The following DENND6B variants were observed in gnomAD, a reference collection of about 807,000 sequenced individuals.
DENND6B encodes protein DENND6B.
In DENND6B, 73 loss-of-function variants were observed where a neutral mutation model predicts 85.1. That is an observed-to-expected ratio of 0.86 (90% CI 0.71 to 1.04). The LOEUF is 1.04. Ranked by LOEUF, DENND6B falls within the 50% of genes least tolerant of loss-of-function variation. The pLI, the probability that DENND6B is intolerant of heterozygous loss-of-function variation, is 0.00. For synonymous variants in DENND6B, 357 were observed against 329.3 expected (o/e 1.08, Z -0.91); for missense variants, 715 against 785.8 (o/e 0.91, Z 1.08).
rs1482206795 is a variant in DENND6B, at chr22:50,313,806, C to T, written c.1203+8G>A. On this transcript the variant is annotated splice_region_variant and intron_variant, in intron 14 of 19. Transcript: ENST00000413817. ...GCGTCCCCAGCCCCTGCCCCACAAA[C>T]CATATACCTTGAGCAGCCGTTTGAG... The T allele has an allele frequency of 6.2e-7, 1 of 1,612,046 alleles. No individual in the cohort carries two copies.
rs1239589604 is a variant in DENND6B at position 50,314,441 on chromosome 22, T to C, written c.1031A>G (p.His344Arg). The C allele has an allele frequency of 3.8e-6, 6 of 1,564,972 alleles. No homozygotes were observed. Among genetic ancestry groups the C allele is most frequent in the Non-Finnish European group, 5.2e-6 (6 of 1,154,074 alleles). The change falls in exon 12 of 20, where the codon CAC becomes CGC. Residue 344 changes from histidine (H) to arginine (R), a missense_variant. Transcript: ENST00000413817. ...TNPFFIKTLQ[H>R]WPHILRVGEP... ...CCCGACTCGGAGGATGTGGGGCCAGTGCTGGAGTGTTTTGATAAAGAAAGG... is the reference window on the plus strand; with the variant it reads ...CCCGACTCGGAGGATGTGGGGCCAGCGCTGGAGTGTTTTGATAAAGAAAGG...
intron 8 of DENND6B, 118 bp downstream of exon 8, chr22:50,315,907 G>A: frequency 6.4e-7 from 1 of 1,554,652 alleles, no homozygotes; most frequent in Non-Finnish European, 8.8e-7. Flanking sequence ...GCTTTGCCTG[G>A]GTTTGACAAC....
intron 4 of DENND6B, 124 bp downstream of exon 4, chr22:50,317,784 G>C: frequency 6.0e-6 from 6 of 995,562 alleles, no homozygotes; most frequent in Non-Finnish European, 8.6e-6. Context: ...GTGGGGCCTG[G>C]CCAGCTCCTC....
At chr22:50,322,310 G>A (rs1398388484) in intron 1 of DENND6B, among the ~76,000 whole-genome samples, 5 of 152,238 alleles carry the variant, frequency 3.3e-5, no homozygotes, top group African/African-American at 1.2e-4. Context: ...TCCTGACCTT[G>A]TGATCCACCT....
chr22:50,326,806 G>A lies in DENND6B; in HGVS notation c.177+6C>T. 3 of 1,364,702 alleles carry A rather than the reference G, an allele frequency of 2.2e-6. No individual in the cohort carries two copies. The highest frequency in any genetic ancestry group is 2.7e-4 in the Middle Eastern group (1 of 3,728). The allele number at this position is 1,364,702 out of a possible 1,614,324, so 84.5% of individuals were successfully genotyped here. ...CCCGCCCGCGCCCGCGCTCGCGCCC[G>A]CTCACCTCCAGCGCCTGGCCCAGCT... On this transcript the variant is annotated splice_donor_region_variant and intron_variant, in intron 1 of 19. Coordinates refer to ENST00000413817, the MANE Select transcript of DENND6B (RefSeq NM_001001794.4).
chr22:50,316,810 C>T (rs1460040873), intron 5 of DENND6B: 3 of 1,216,142 alleles, frequency 2.5e-6, no homozygotes, highest in African/African-American at 3.4e-5. Flanking sequence ...GGCTGGGTTG[C>T]CCTGACACTG....
chr22:50,314,965 G>C (rs1199908310), intron 9 of DENND6B, 44 bp from the exon 10 acceptor site: 1 of 1,598,278 alleles, frequency 6.3e-7, no homozygotes, highest in African/African-American at 1.3e-5. Flanking sequence ...CAGGGGCTGA[G>C]ACTCCTGGCT....
In DENND6B at chr22:50,312,220, C is replaced by T. The variant is rs748581028; in HGVS notation, c.1677G>A (p.Thr559=). ...QGHQLPVKEA[T]LQRAQLYIET... Reference sequence around the variant, plus strand: ...CGATGTACAGCTGTGCCCGCTGCAGCGTAGCCTCCTTCACAGGGAGCTGGT... The same window carrying T: ...CGATGTACAGCTGTGCCCGCTGCAGTGTAGCCTCCTTCACAGGGAGCTGGT... The change falls in exon 20 of 20, where the codon ACG becomes ACA. Residue 559 remains threonine (T), a synonymous_variant. Transcript: ENST00000413817. The T allele has an allele frequency of 2.8e-5, 45 of 1,612,340 alleles. No homozygotes were observed. The highest frequency in any genetic ancestry group is 1.7e-4 in the Middle Eastern group (1 of 6,054).
intron 3 of DENND6B, 92 bp downstream of exon 3, chr22:50,318,755 G>A (rs1281230933): frequency 6.4e-7 from 1 of 1,555,568 alleles, no homozygotes; most frequent in African/African-American, 1.4e-5. Flanking sequence ...TGGGCACCGG[G>A]GCAGCCGAGG....
chr22:50,318,815 T>G (rs540372927), intron 3 of DENND6B, 32 bp downstream of exon 3: 1 of 1,611,612 alleles, frequency 6.2e-7, no homozygotes, highest in Non-Finnish European at 8.5e-7. Flanking sequence ...GCTGGCTTCA[T>G]GTCCAGCCCC....
Position 50,326,949 on chromosome 22 carries a change from C to G in DENND6B, c.40G>C (p.Gly14Arg), listed in dbSNP as rs2042206779. The change falls in exon 1 of 20, where the codon GGC becomes CGC. Residue 14 changes from glycine to arginine, a missense_variant. Gly to Arg is a moderately radical substitution (Grantham distance 125, BLOSUM62 -2). Coordinates refer to ENST00000413817, the MANE Select transcript of DENND6B (RefSeq NM_001001794.4). ...LLGTGPRRAR[G>R]CLGAAGPTSS... Reference sequence around the variant, plus strand: ...GTGGGTCCAGCCGCGCCCAGGCAGCCGCGAGCCCGGCGAGGCCCTGTGCCC... The same window carrying G: ...GTGGGTCCAGCCGCGCCCAGGCAGCGGCGAGCCCGGCGAGGCCCTGTGCCC... 1 of 1,282,470 alleles carries G rather than the reference C, an allele frequency of 7.8e-7. No individual in the cohort carries two copies. The highest frequency in any genetic ancestry group is 4.3e-5 in the Admixed American group (1 of 23,434). The allele number at this position is 1,282,470 out of a possible 1,614,324, so 79.4% of individuals were successfully genotyped here. A position where few individuals can be genotyped will look rare whatever the true frequency, so the allele number is the denominator to read the frequency against.
chr22:50,325,957 T>C (rs1435844701), intron 1 of DENND6B, among the ~76,000 whole-genome samples: 1 of 152,214 alleles, frequency 6.6e-6, no homozygotes, highest in African/African-American at 2.4e-5. Flanking sequence ...TGGCCTGATC[T>C]TGGACACCTG....
chr22:50,314,793 C>A lies in DENND6B; in HGVS notation c.881+6G>T. The A allele has an allele frequency of 6.2e-7, 1 of 1,601,934 alleles. No homozygotes were observed. The highest frequency in any genetic ancestry group is 1.3e-5 in the African/African-American group (1 of 74,848). ...TTCCCCAGCCGGGACCGGGCCAAGGCGATACCTGGTCAAGGCCAGCACCAT... is the reference window on the plus strand; with the variant it reads ...TTCCCCAGCCGGGACCGGGCCAAGGAGATACCTGGTCAAGGCCAGCACCAT... On this transcript the variant is annotated splice_donor_region_variant and intron_variant, in intron 10 of 19. Coordinates refer to ENST00000413817, the MANE Select transcript of DENND6B (RefSeq NM_001001794.4).
chr22:50,317,841 G>C (rs1390093640), intron 4 of DENND6B, 67 bp downstream of exon 4: 3 of 1,486,814 alleles, frequency 2.0e-6, no homozygotes, highest in Non-Finnish European at 2.7e-6. Context: ...TCTCCTACCA[G>C]CCTGACCCTG....
intron 6 of DENND6B, 52 bp downstream of exon 6, chr22:50,316,318 G>A (rs1601816141): frequency 5.1e-6 from 8 of 1,562,194 alleles, no homozygotes; most frequent in Non-Finnish European, 6.9e-6. Context: ...GCCCACCAGG[G>A]GCCACAGCTG....
At chr22:50,323,713 C>T (rs907366509) in intron 1 of DENND6B, among the ~76,000 whole-genome samples, 4 of 141,380 alleles carry the variant, frequency 2.8e-5, no homozygotes, top group East Asian at 4.1e-4. Context: ...TCAGCCAGCA[C>T]GCCTAGCCTT....
chr22:50,319,813 G>C (rs1193769835), intron 1 of DENND6B, among the ~76,000 whole-genome samples: 1 of 152,218 alleles, frequency 6.6e-6, no homozygotes, highest in African/African-American at 2.4e-5. Context: ...CCCCCTGCCA[G>C]GGCCTGTGCC....
chr22:50,317,361 G>A lies in DENND6B; in HGVS notation c.385C>T (p.His129Tyr), dbSNP rs575697639. Residue 129 changes from histidine (H) to tyrosine (Y), a missense_variant, in exon 5 of 20, where the codon CAC (histidine) becomes TAC (tyrosine). Coordinates refer to ENST00000413817, the MANE Select transcript of DENND6B (RefSeq NM_001001794.4). ...CTGAAGTACACGTAGCCGAAGTAGT[G>A]TGCCGGCTCCCTCTGCAAGGAGCAT... ...APVALQREPA[H>Y]YFGYVYFRQV... 11 of 1,613,006 alleles carry A rather than the reference G, an allele frequency of 6.8e-6. No individual in the cohort carries two copies. Among genetic ancestry groups the A allele is most frequent in the South Asian group, 6.6e-5 (6 of 91,080 alleles).
In DENND6B at chr22:50,318,878, G is replaced by A. The variant is rs768422643; in HGVS notation, c.228C>T (p.Ile76=). The change falls in exon 3 of 20, where the codon ATC becomes ATT. Residue 76 remains isoleucine, a synonymous_variant. Coordinates refer to ENST00000413817, the MANE Select transcript of DENND6B (RefSeq NM_001001794.4). ...FRLTDKEKSS[I]CYLSFPDSHS... is the part of the protein sequence containing the mutation. The stretch of plus-strand genomic sequence containing the variant: ...GCGAGTCGGGAAAAGACAGGTAGCA[G>A]ATGCTGCTTTTCTGAAACATATAAA... 1 of 1,613,320 alleles carries A rather than the reference G, an allele frequency of 6.2e-7. No homozygotes were observed. The highest frequency in any genetic ancestry group is 1.7e-5 in the Admixed American group (1 of 59,966).
Sources: allele counts gnomAD v4.1 joint callset (sites outside exome capture counted in the v4.1 genomes callset), GRCh38; gene constraint gnomAD v4.1.1; transcripts MANE v1.5; gene names NCBI Gene and HGNC (gene_info 2026-07-23, HGNC 2026-07-21).